Variants in PTN observed in about 807,000 individuals in gnomAD.
PTN encodes the protein heparin affin regulatory protein.
PTN carries 18 observed loss-of-function variants against 24.1 expected under a neutral mutation model. The observed-to-expected ratio is 0.75, with a 90% CI of 0.52 to 1.11. The LOEUF is 1.11. Among genes scored for constraint, PTN ranks in the 50% least tolerant of loss-of-function variants. The pLI is 0.00. For missense variants in PTN, 163 were observed against 198.8 expected, an observed-to-expected ratio of 0.82 and a Z score of 1.08; for synonymous variants, 78 against 68.6, an observed-to-expected ratio of 1.14 and a Z score of -0.67.
chr7:137,248,895 C>A (rs1318207832), intron 4 of PTN, among the ~76,000 whole-genome samples: 1 of 151,998 alleles, frequency 6.6e-6, no homozygotes, highest in African/African-American at 2.4e-5. Flanking sequence ...TTAATTATAT[C>A]AATTAATTAT....
intron 1 of PTN, among the ~76,000 whole-genome samples, chr7:137,297,430 A>C (rs976991189): frequency 6.6e-6 from 1 of 152,110 alleles, no homozygotes; most frequent in Non-Finnish European, 1.5e-5. Flanking sequence ...TGCATTGAGG[A>C]TAATTTCATG....
At chr7:137,317,508 C>T (rs1031106801) in intron 1 of PTN, among the ~76,000 whole-genome samples, 1 of 152,178 alleles carries the variant, frequency 6.6e-6, no homozygotes, top group African/African-American at 2.4e-5. Context: ...CCTGACCACA[C>T]ACATGCGAGT....
At chr7:137,297,965 C>T (rs915304427) in intron 1 of PTN, among the ~76,000 whole-genome samples, 1 of 151,954 alleles carries the variant, frequency 6.6e-6, no homozygotes, top group Non-Finnish European at 1.5e-5. Context: ...AACCCTGTCA[C>T]AAGCTTGTTC....
chr7:137,324,433 A>AAT (rs71176396), intron 1 of PTN, among the ~76,000 whole-genome samples: 40,157 of 88,466 alleles, frequency 0.45, 9,587 homozygotes, highest in South Asian at 0.55. Context: ...AAAAAAAAAA[A>AAT]ATATATATAT....
intron 1 of PTN, among the ~76,000 whole-genome samples, chr7:137,333,896 T>C (rs1350958635): frequency 2.0e-5 from 3 of 151,808 alleles, no homozygotes; most frequent in Admixed American, 6.6e-5. Context: ...CACATATCTA[T>C]AACTATCTGA....
intron 1 of PTN, among the ~76,000 whole-genome samples, chr7:137,258,560 T>C (rs946072406): frequency 3.9e-5 from 6 of 152,150 alleles, no homozygotes; most frequent in South Asian, 4.1e-4. Context: ...GTAGAGAAAA[T>C]GAATAAAGGT....
At chr7:137,274,757 T>C (rs1158491716) in intron 1 of PTN, among the ~76,000 whole-genome samples, 1 of 152,220 alleles carries the variant, frequency 6.6e-6, no homozygotes, top group Non-Finnish European at 1.5e-5. Context: ...TTATAAAGTC[T>C]GAAATGATTT....
chr7:137,252,291 C>T (rs887385867), intron 3 of PTN, among the ~76,000 whole-genome samples: 1 of 151,850 alleles, frequency 6.6e-6, no homozygotes, highest in African/African-American at 2.4e-5. Flanking sequence ...GGAAAAGATG[C>T]TGAATATATT....
chr7:137,321,041 G>A (rs1033198913), intron 1 of PTN, among the ~76,000 whole-genome samples: 3 of 152,188 alleles, frequency 2.0e-5, no homozygotes, highest in African/African-American at 7.2e-5. Flanking sequence ...GTCCACAGGT[G>A]TCCCGTTCAG....
At chr7:137,311,504 C>T (rs1173506616) in intron 1 of PTN, among the ~76,000 whole-genome samples, 2 of 152,202 alleles carry the variant, frequency 1.3e-5, no homozygotes, top group African/African-American at 2.4e-5. Context: ...ATATGCCCTT[C>T]CCCACTAAGA....
intron 1 of PTN, among the ~76,000 whole-genome samples, chr7:137,292,662 T>C (rs1226681985): frequency 2.0e-5 from 3 of 152,176 alleles, no homozygotes; most frequent in African/African-American, 7.2e-5. Context: ...CCTCATACAA[T>C]GTGAATGCCA....
At chr7:137,315,547 T>C (rs188073128) in intron 1 of PTN, among the ~76,000 whole-genome samples, 1 of 152,292 alleles carries the variant, frequency 6.6e-6, no homozygotes, top group African/African-American at 2.4e-5. Flanking sequence ...AGTTCTCTCG[T>C]GGGCAAGTTG....
chr7:137,271,943 A>G (rs1402647446), intron 1 of PTN, among the ~76,000 whole-genome samples: 6 of 152,372 alleles, frequency 3.9e-5, no homozygotes, highest in African/African-American at 1.4e-4. Flanking sequence ...CCTGGCACAC[A>G]GCAGACCCAT....
intron 1 of PTN, among the ~76,000 whole-genome samples, chr7:137,292,051 G>A (rs190917156): frequency 1.4e-4 from 21 of 152,228 alleles, no homozygotes; most frequent in Admixed American, 2.0e-4. Context: ...ATGAGAAACC[G>A]TCAGTCTTTG....
chr7:137,338,849 G>T (rs908578889), intron 1 of PTN, among the ~76,000 whole-genome samples: 1 of 152,078 alleles, frequency 6.6e-6, no homozygotes, highest in African/African-American at 2.4e-5. Context: ...TATTAAAAAT[G>T]TGAGTCCAGA....
chr7:137,334,645 G>A (rs1278037987), intron 1 of PTN, among the ~76,000 whole-genome samples: 1 of 127,094 alleles, frequency 7.9e-6, no homozygotes, highest in Non-Finnish European at 1.7e-5. Flanking sequence ...CGATTCCTCA[G>A]GGATCTAGAA....
chr7:137,309,572 C>T (rs1809947219), intron 1 of PTN, among the ~76,000 whole-genome samples: 1 of 152,178 alleles, frequency 6.6e-6, no homozygotes, highest in Admixed American at 6.6e-5. Flanking sequence ...TCCTCTCACA[C>T]CTTCCCACTG....
chr7:137,277,896 TAGATGAGATGATAGATA>T (rs773183501), intron 1 of PTN, among the ~76,000 whole-genome samples: 57 of 18,630 alleles, frequency 3.1e-3, no homozygotes, highest in African/African-American at 0.014. Flanking sequence ...GATAGATAGA[TAGATGAGATGATAGATA>T]GATAGATAGA....
intron 4 of PTN, among the ~76,000 whole-genome samples, chr7:137,249,478 T>C (rs984327016): frequency 6.6e-6 from 1 of 152,178 alleles, no homozygotes; most frequent in African/African-American, 2.4e-5. Context: ...GTTTTGCAAG[T>C]TCCCACAGAA....
Sources: gnomAD v4.1 joint callset for allele counts (sites outside exome capture counted in the v4.1 genomes callset) on GRCh38, gnomAD v4.1.1 for gene constraint, MANE v1.5 for transcripts, NCBI Gene and HGNC (gene_info 2026-07-23, HGNC 2026-07-21) for gene names.